CACNA2D3: variants seen among roughly 807,000 people sequenced by gnomAD.
The protein encoded by CACNA2D3 is calcium voltage-gated channel auxiliary subunit alpha2delta 3, also known as voltage-dependent calcium channel subunit alpha-2/delta-3.
In CACNA2D3, 60 loss-of-function variants were observed where a neutral mutation model predicts 160.6. The ratio of observed to expected loss-of-function variants is 0.37; its 90% CI spans 0.30 to 0.46. The LOEUF (loss-of-function observed/expected upper bound fraction) is 0.46. Ranked by LOEUF, CACNA2D3 falls within the 20% of genes least tolerant of loss-of-function variation. The probability of loss-of-function intolerance (pLI) is 1.00; values close to 1 mark genes in which losing one functional copy is unlikely to be tolerated. For synonymous variants in CACNA2D3, 558 were observed against 492.9 expected, an observed-to-expected ratio of 1.13 and a Z score of -1.75; for missense variants, 1,205 against 1,365.0, an observed-to-expected ratio of 0.88 and a Z score of 1.85.
intron 17 of CACNA2D3, among the ~76,000 whole-genome samples, chr3:54,852,169 C>T (rs756560700): frequency 1.7e-4 from 26 of 152,202 alleles, no homozygotes; most frequent in Admixed American, 1.4e-3. Context: ...TGTAGCCTCT[C>T]CAGTGTCCAG....
At chr3:54,820,445 T>C (rs1703566100) in intron 14 of CACNA2D3, among the ~76,000 whole-genome samples, 1 of 152,184 alleles carries the variant, frequency 6.6e-6, no homozygotes. Context: ...AAAAAAAATA[T>C]TATTTTTTCT....
intron 2 of CACNA2D3, among the ~76,000 whole-genome samples, chr3:54,282,696 G>A (rs1370100589): frequency 1.3e-5 from 2 of 152,220 alleles, no homozygotes; most frequent in African/African-American, 4.8e-5. Context: ...ACAGTGTAGT[G>A]AGAAGACATT....
At chr3:54,222,817 G>A (rs894293269) in intron 2 of CACNA2D3, among the ~76,000 whole-genome samples, 1 of 152,058 alleles carries the variant, frequency 6.6e-6, no homozygotes, top group Non-Finnish European at 1.5e-5. Flanking sequence ...CTCTGTTTGT[G>A]TTTTTTATTT....
intron 10 of CACNA2D3, chr3:54,638,989 A>G (rs1215716161): frequency 1.3e-5 from 2 of 152,202 alleles, no homozygotes; most frequent in Non-Finnish European, 2.9e-5. Flanking sequence ...AGAAAAGAGT[A>G]GAGACACGGA....
At chr3:54,177,422 C>CA (rs1305478641) in intron 2 of CACNA2D3, among the ~76,000 whole-genome samples, 1 of 152,168 alleles carries the variant, frequency 6.6e-6, no homozygotes, top group East Asian at 1.9e-4. Flanking sequence ...GTAGAACAGT[C>CA]ACATTTCAGG....
rs564847712 is a variant in CACNA2D3, at chr3:54,835,785, CA to C, written c.1399-1373del. 3.6e-3 allele frequency among the ~76,000 whole-genome samples: 555 copies of C among 152,304 alleles called. 3 individuals carry two copies. Among genetic ancestry groups the C allele is most frequent in the African/African-American group, 0.013 (524 of 41,568 alleles). On this transcript the variant is annotated intron_variant, in intron 14 of 37. Coordinates refer to ENST00000474759, the MANE Select transcript of CACNA2D3 (RefSeq NM_018398.3). ...CCTGGTCAATTTTGGTGCCTGTCAGCAGTGCCTCCAGCCTTAATCTCATTTT... is the reference window on the plus strand; with the variant it reads ...CCTGGTCAATTTTGGTGCCTGTCAGCGTGCCTCCAGCCTTAATCTCATTTT...
chr3:54,306,286 G>GA (rs1040926807), intron 2 of CACNA2D3, among the ~76,000 whole-genome samples: 2 of 151,816 alleles, frequency 1.3e-5, no homozygotes, highest in African/African-American at 4.8e-5. Flanking sequence ...GATGTTAGGA[G>GA]AAAAAAATAT....
chr3:54,642,096 G>A, intron 10 of CACNA2D3, 32 bp from the exon 11 acceptor site: 1 of 1,388,928 alleles, frequency 7.2e-7, no homozygotes, highest in Non-Finnish European at 1.0e-6. Flanking sequence ...TCTCTGATAT[G>A]TATACTATTT....
intron 27 of CACNA2D3, chr3:54,918,680 G>A (rs970989074): frequency 6.2e-7 from 1 of 1,614,186 alleles, no homozygotes; most frequent in Non-Finnish European, 8.5e-7. Context: ...TTGGGTTTGA[G>A]CTCGCACTCC....
At chr3:55,069,870 G>A (rs892144709) in intron 35 of CACNA2D3, among the ~76,000 whole-genome samples, 4 of 152,196 alleles carry the variant, frequency 2.6e-5, no homozygotes, top group African/African-American at 7.2e-5. Context: ...ACCAAAAAAT[G>A]TTGAAAATGC....
At chr3:54,561,828 T>C (rs574290835) in intron 5 of CACNA2D3, among the ~76,000 whole-genome samples, 1 of 152,276 alleles carries the variant, frequency 6.6e-6, no homozygotes, top group Non-Finnish European at 1.5e-5. Flanking sequence ...GATTGGATAA[T>C]TTATAAAGGA....
In CACNA2D3 at chr3:54,931,342, C is replaced by T. The variant is rs185162157; in HGVS notation, c.2449+31474C>T. On this transcript the variant is annotated intron_variant, in intron 27 of 37. Transcript: ENST00000474759. Reference sequence around the variant, plus strand: ...CAATGCACACATGGCCTGGACTGCCCGCCCCGGACACTTGGATGTGGAGGC... The same window carrying T: ...CAATGCACACATGGCCTGGACTGCCTGCCCCGGACACTTGGATGTGGAGGC... 2.0e-3 allele frequency among the ~76,000 whole-genome samples: 309 copies of T among 152,312 alleles called. 1 individual carries two copies. Among genetic ancestry groups the T allele is most frequent in the African/African-American group, 7.1e-3 (294 of 41,572 alleles).
chr3:54,563,628 T>C (rs539262119), intron 6 of CACNA2D3, among the ~76,000 whole-genome samples: 1 of 152,326 alleles, frequency 6.6e-6, no homozygotes, highest in South Asian at 2.1e-4. Context: ...TTAATTTTGC[T>C]TACAAGTTGT....
rs141027451 is a variant in CACNA2D3 at position 54,793,266 on chromosome 3, A to G, written c.1381-23587A>G. 3.5e-4 allele frequency among the ~76,000 whole-genome samples: 53 copies of G among 152,362 alleles called. No individual in the cohort carries two copies. The East Asian group carries it at 8.5e-3, about 24-fold the overall frequency. On this transcript the variant is annotated intron_variant, in intron 13 of 37. Transcript: ENST00000474759. ...TAAATACTTGTTGGTTTACCACCCGATATCTCCTGTGAGAAGTGAAGTGAG... is the reference window on the plus strand; with the variant it reads ...TAAATACTTGTTGGTTTACCACCCGGTATCTCCTGTGAGAAGTGAAGTGAG...
At chr3:54,661,124 G>T (rs1471497517) in intron 11 of CACNA2D3, among the ~76,000 whole-genome samples, 2 of 152,138 alleles carry the variant, frequency 1.3e-5, no homozygotes, top group Non-Finnish European at 2.9e-5. Context: ...TGGCCAGGAA[G>T]GCTTCTGAGG....
chr3:55,039,553 C>T (rs1450292160), intron 35 of CACNA2D3, among the ~76,000 whole-genome samples: 1 of 152,184 alleles, frequency 6.6e-6, no homozygotes, highest in African/African-American at 2.4e-5. Flanking sequence ...ACAACTTTCT[C>T]GTCTTTGGCC....
At chr3:54,908,011 T>A (rs559061424) in intron 27 of CACNA2D3, among the ~76,000 whole-genome samples, 5 of 152,242 alleles carry the variant, frequency 3.3e-5, no homozygotes, top group Non-Finnish European at 5.9e-5. Flanking sequence ...AATGTTGATA[T>A]GAGCATCCAT....
At chr3:54,916,547 A>G (rs1291245187) in intron 27 of CACNA2D3, among the ~76,000 whole-genome samples, 1 of 152,224 alleles carries the variant, frequency 6.6e-6, no homozygotes, top group Non-Finnish European at 1.5e-5. Context: ...TTTGTCCCCT[A>G]GAAAAATCAT....
intron 2 of CACNA2D3, among the ~76,000 whole-genome samples, chr3:54,221,924 C>T (rs1701581406): frequency 6.6e-6 from 1 of 151,950 alleles, no homozygotes; most frequent in Admixed American, 6.6e-5. Flanking sequence ...TCATAGTTCA[C>T]TGCAGCCTTG....
Sources: gnomAD v4.1 joint callset for allele counts (sites outside exome capture counted in the v4.1 genomes callset) on GRCh38, gnomAD v4.1.1 for gene constraint, MANE v1.5 for transcripts, NCBI Gene and HGNC (gene_info 2026-07-23, HGNC 2026-07-21) for gene names.